The following HDAC5 variants were observed in gnomAD, a reference collection of about 807,000 sequenced individuals.
HDAC5 encodes the protein histone deacetylase 5.
A neutral mutation model predicts 133.3 loss-of-function variants in HDAC5; 25 were observed. The observed-to-expected ratio is 0.19, with a 90% CI of 0.14 to 0.26. The LOEUF (loss-of-function observed/expected upper bound fraction) is 0.26, where lower values mean the gene tolerates loss of function less well. HDAC5 is among the 10% of genes least tolerant of loss of function. The pLI is 1.00. For synonymous variants in HDAC5, 589 were observed against 610.8 expected (o/e 0.96, Z 0.53); for missense variants, 1,041 against 1,460.5 (o/e 0.71, Z 4.68).
Position 44,083,846 on chromosome 17 carries a change from T to C in HDAC5, c.2314A>G (p.Ser772Gly), listed in dbSNP as rs199604208. 6.3e-5 allele frequency: 102 copies of C among 1,613,524 alleles called. No homozygotes were observed. The East Asian group carries it at 2.2e-3, about 34-fold the overall frequency. Residue 772 changes from serine to glycine, a missense_variant, in exon 17 of 27, where the codon AGC becomes GGC. Physicochemically the swap from Ser to Gly is moderately conservative, Grantham distance 56. Coordinates refer to ENST00000682912, the MANE Select transcript of HDAC5 (RefSeq NM_005474.5). ...LDSKKLLGPI[S>G]QKMYAVLPCG... Reference sequence around the variant, plus strand: ...GGCAGCACAGCATACATCTTCTGGCTGATGGGGCCTGCATGGAAGAGGAAT... The same window carrying C: ...GGCAGCACAGCATACATCTTCTGGCCGATGGGGCCTGCATGGAAGAGGAAT...
chr17:44,084,883 G>T, intron 15 of HDAC5, 139 bp downstream of exon 15: 1 of 1,300,860 alleles, frequency 7.7e-7, no homozygotes, highest in Non-Finnish European at 1.1e-6. Flanking sequence ...GCAAGGGATG[G>T]AACGGGGTGG....
At chr17:44,104,750 C>T (rs555801681) in intron 3 of HDAC5, among the ~76,000 whole-genome samples, 1 of 152,264 alleles carries the variant, frequency 6.6e-6, no homozygotes, top group South Asian at 2.1e-4. Flanking sequence ...GCTCTCGGGG[C>T]CCCCAGCTGC....
Position 44,085,014 on chromosome 17 carries a change from T to C in HDAC5, c.2184+8A>G. ...GTTGAGAGCCAGAAGAAGGAGGGGC[T>C]CCCTTACCTCGCACTTGCTAAGCAG... On this transcript the variant is annotated splice_region_variant and intron_variant, in intron 15 of 26. Transcript: ENST00000682912. 1.3e-6 allele frequency: 2 copies of C among 1,561,466 alleles called. No homozygotes were observed. The highest frequency in any genetic ancestry group is 1.4e-5 in the African/African-American group (1 of 73,008).
chr17:44,113,333 G>T lies in HDAC5; in HGVS notation c.23-2533C>A, dbSNP rs1168217158. The stretch of plus-strand genomic sequence containing the variant: ...GACACCCAGAGGTGGCTGGAGCCGG[G>T]AGCTGGGGAGCCAGCTCCCAGCACC... On this transcript the variant is annotated intron_variant, in intron 2 of 26. Transcript: ENST00000682912. 2.0e-5 allele frequency among the ~76,000 whole-genome samples: 3 copies of T among 152,272 alleles called. No individual in the cohort carries two copies. The East Asian group carries it at 5.8e-4, about 29-fold the overall frequency.
At chr17:44,103,002 C>G (rs1456987158) in intron 3 of HDAC5, among the ~76,000 whole-genome samples, 1 of 152,140 alleles carries the variant, frequency 6.6e-6, no homozygotes, top group Non-Finnish European at 1.5e-5. Context: ...CCCTAGGTAA[C>G]TGGCCTACCC....
intron 25 of HDAC5, 61 bp downstream of exon 25, chr17:44,078,734 G>A (rs1004398800): frequency 1.2e-5 from 19 of 1,610,586 alleles, no homozygotes; most frequent in African/African-American, 4.0e-5. Flanking sequence ...CCCAGTCCTG[G>A]TGCTCCCACA....
intron 20 of HDAC5, chr17:44,081,580 C>CTT (rs36005901): frequency 6.0e-4 from 76 of 127,128 alleles, no homozygotes; most frequent in East Asian, 3.1e-3. Flanking sequence ...TCTTTTCTTT[C>CTT]TTTTTTTTTT....
At chr17:44,100,527 GT>G (rs1359160534) in intron 3 of HDAC5, among the ~76,000 whole-genome samples, 1 of 144,028 alleles carries the variant, frequency 6.9e-6, no homozygotes, top group Non-Finnish European at 1.5e-5. Flanking sequence ...GAGGTCAGGA[GT>G]TTGAGACCAG....
chr17:44,092,842 T>A, intron 6 of HDAC5, 36 bp from the exon 7 acceptor site: 1 of 837,740 alleles, frequency 1.2e-6, no homozygotes, highest in Non-Finnish European at 1.9e-6. Flanking sequence ...GAAGCAGATC[T>A]AGGTTATCAC....
intron 20 of HDAC5, chr17:44,081,582 T>TC (rs1240565920): frequency 3.6e-5 from 5 of 139,338 alleles, no homozygotes; most frequent in Admixed American, 3.5e-4. Flanking sequence ...TTTTCTTTCT[T>TC]TTTTTTTTTT....
intron 3 of HDAC5, among the ~76,000 whole-genome samples, chr17:44,103,900 G>C (rs1199662159): frequency 1.3e-5 from 2 of 151,732 alleles, no homozygotes; most frequent in Non-Finnish European, 2.9e-5. Flanking sequence ...TAGAGATGGG[G>C]TTTCACCATG....
At chr17:44,123,258 A>G in intron 1 of HDAC5, 1 of 293,790 alleles carries the variant, frequency 3.4e-6, no homozygotes, top group Non-Finnish European at 6.3e-6. Context: ...CCTTACCTGT[A>G]GGGAAGGCGC....
At chr17:44,084,361 C>T (rs1289207692) in intron 16 of HDAC5, among the ~76,000 whole-genome samples, 194 bp downstream of exon 16, 6 of 152,136 alleles carry the variant, frequency 3.9e-5, no homozygotes, top group East Asian at 3.9e-4. Context: ...CCTCCTGCAC[C>T]GCGCCCCACA....
At chr17:44,110,608 A>T in intron 3 of HDAC5, 121 bp downstream of exon 3, 1 of 792,758 alleles carries the variant, frequency 1.3e-6, no homozygotes, top group Non-Finnish European at 2.1e-6. Context: ...TGTATTCTCA[A>T]CAAAACTCTC....
intron 1 of HDAC5, among the ~76,000 whole-genome samples, chr17:44,121,443 C>G (rs572655868): frequency 7.1e-6 from 1 of 140,960 alleles, no homozygotes; most frequent in Non-Finnish European, 1.5e-5. Context: ...CTTCCCCCCC[C>G]TACTGCCACC....
In HDAC5 at chr17:44,092,474, G is replaced by A. The variant is rs1252546644; in HGVS notation, c.826C>T (p.Arg276Trp). The change falls in exon 8 of 27, where the codon CGG (arginine) becomes TGG (tryptophan). Residue 276 changes from arginine (R) to tryptophan (W), a missense_variant. Physicochemically the swap from Arg to Trp is moderately radical, Grantham distance 101 (BLOSUM62 -3). Coordinates refer to ENST00000682912, the MANE Select transcript of HDAC5 (RefSeq NM_005474.5). ...CGACGCAGGAGGGGACTGCTTCTCC[G>A]CTCAGCCACCTTCTGTTTTAGCCTT... ...RSRLKQKVAERRSSPLLRRKD... is the reference protein window; with the variant it reads ...RSRLKQKVAEWRSSPLLRRKD... 2 of 1,613,948 alleles carry A rather than the reference G, an allele frequency of 1.2e-6. No individual in the cohort carries two copies. The highest frequency in any genetic ancestry group is 1.7e-6 in the Non-Finnish European group (2 of 1,179,948).
intron 16 of HDAC5, 130 bp downstream of exon 16, chr17:44,084,425 C>T (rs765538499): frequency 1.3e-5 from 14 of 1,100,844 alleles, no homozygotes; most frequent in Admixed American, 4.7e-5. Flanking sequence ...ATAATTGTGC[C>T]ACCTCTGCCG....
intron 1 of HDAC5, among the ~76,000 whole-genome samples, chr17:44,121,270 G>A (rs1269619507): frequency 1.3e-5 from 2 of 152,076 alleles, no homozygotes; most frequent in East Asian, 1.9e-4. Context: ...GGCTGCGGCT[G>A]GGCCTGGGGT....
rs1452146172 is a variant in HDAC5 at position 44,088,497 on chromosome 17, G to C, written c.1489C>G (p.Gln497Glu). 2 of 1,612,870 alleles carry C rather than the reference G, an allele frequency of 1.2e-6. No homozygotes were observed. Among genetic ancestry groups the C allele is most frequent in the Non-Finnish European group, 1.7e-6 (2 of 1,179,770 alleles). Reference sequence around the variant, plus strand: ...GGACTCTGCGGCAGCGGTGAGGACTGAGTGCGGCTCAGGGGCCGATGCCGC... The same window carrying C: ...GGACTCTGCGGCAGCGGTGAGGACTCAGTGCGGCTCAGGGGCCGATGCCGC... ...LPRHRPLSRT[Q>E]SSPLPQSPQA... Residue 497 changes from glutamine (Q) to glutamate (E), a missense_variant, in exon 12 of 27, where the codon CAG (glutamine) becomes GAG (glutamate). Gln to Glu is a conservative substitution (Grantham distance 29). This residue lies in a region of HDAC5 where 433 missense variants were observed against 531.6 expected (regional missense o/e 0.81). Coordinates refer to ENST00000682912, the MANE Select transcript of HDAC5 (RefSeq NM_005474.5).
Sources: gnomAD v4.1 joint callset for allele counts (sites outside exome capture counted in the v4.1 genomes callset) on GRCh38, gnomAD v4.1.1 for gene constraint, gnomAD v4.1.1 regional missense constraint, MANE v1.5 for transcripts, NCBI Gene and HGNC (gene_info 2026-07-23, HGNC 2026-07-21) for gene names.